Variants in ITGA9 observed in about 807,000 individuals in gnomAD.
The protein encoded by ITGA9 is integrin alpha-9.
In ITGA9, 56 loss-of-function variants were observed where a neutral mutation model predicts 127.8. That is an observed-to-expected ratio of 0.44 (90% CI 0.35 to 0.55). The LOEUF is 0.55. Ranked by LOEUF, ITGA9 falls within the 20% of genes least tolerant of loss-of-function variation. ITGA9 has a pLI of 0.00. For synonymous variants in ITGA9, 508 were observed against 514.5 expected (o/e 0.99, Z 0.17); for missense variants, 1,196 against 1,347.1 (o/e 0.89, Z 1.76).
chr3:37,767,358 T>C (rs1177176441), intron 23 of ITGA9, among the ~76,000 whole-genome samples: 2 of 152,204 alleles, frequency 1.3e-5, no homozygotes, highest in African/African-American at 4.8e-5. Flanking sequence ...TTCACAGGGA[T>C]GACTGCCTTA....
chr3:37,632,330 C>A (rs543816210), intron 16 of ITGA9, among the ~76,000 whole-genome samples: 2 of 152,164 alleles, frequency 1.3e-5, no homozygotes, highest in South Asian at 4.1e-4. Context: ...GGGAAGTGTT[C>A]TTAAAAATTA....
chr3:37,809,567 T>C (rs1400426917), intron 27 of ITGA9, among the ~76,000 whole-genome samples: 1 of 152,110 alleles, frequency 6.6e-6, no homozygotes, highest in Non-Finnish European at 1.5e-5. Context: ...GTGCAGTCTG[T>C]TGAGGCAGTG....
rs561764470 is a variant in ITGA9, at chr3:37,820,323, G to A, written c.*1334G>A. On this transcript the variant is annotated 3_prime_UTR_variant, in exon 28 of 28. Coordinates refer to ENST00000264741, the MANE Select transcript of ITGA9 (RefSeq NM_002207.3). Reference sequence around the variant, plus strand: ...GGCTGCACCCAGAGGAGATGTAAACGTTTTATTCTCAATTCCTGCTGGCGT... The same window carrying A: ...GGCTGCACCCAGAGGAGATGTAAACATTTTATTCTCAATTCCTGCTGGCGT... 6.6e-6 allele frequency: 1 copy of A among 152,380 alleles called. No homozygotes were observed. Among genetic ancestry groups the A allele is most frequent in the Admixed American group, 6.5e-5 (1 of 15,306 alleles). The allele number at this position is 152,380 out of a possible 1,614,324, so 9.4% of individuals were successfully genotyped here.
At chr3:37,741,266 G>T (rs1286809205) in intron 20 of ITGA9, among the ~76,000 whole-genome samples, 3 of 152,156 alleles carry the variant, frequency 2.0e-5, no homozygotes, top group South Asian at 2.1e-4. Flanking sequence ...GTGCCAGGGG[G>T]TTCATTCCAC....
At chr3:37,748,906 G>A (rs1265292754) in intron 22 of ITGA9, 28 of 840,766 alleles carry the variant, frequency 3.3e-5, no homozygotes, top group Non-Finnish European at 5.5e-5. Flanking sequence ...TGGCATAATA[G>A]GTGTCTAAAA....
chr3:37,564,793 C>T (rs908898373), intron 15 of ITGA9, among the ~76,000 whole-genome samples: 3 of 152,340 alleles, frequency 2.0e-5, no homozygotes, highest in Non-Finnish European at 2.9e-5. Flanking sequence ...GCAGAACTCC[C>T]AGCCAGGCTC....
At chr3:37,579,134 C>A (rs2125608781) in intron 15 of ITGA9, among the ~76,000 whole-genome samples, 1 of 152,262 alleles carries the variant, frequency 6.6e-6, no homozygotes. Context: ...GTCTCATGAG[C>A]CCCTCCTTCT....
chr3:37,596,711 AG>A (rs140437029), intron 15 of ITGA9, among the ~76,000 whole-genome samples: 2,712 of 152,270 alleles, frequency 0.018, 33 homozygotes, highest in Middle Eastern at 0.037. Flanking sequence ...CCAAAACACA[AG>A]GGGTCTGGGG....
intron 23 of ITGA9, among the ~76,000 whole-genome samples, chr3:37,759,163 G>A (rs1365372515): frequency 6.6e-6 from 1 of 151,046 alleles, no homozygotes; most frequent in African/African-American, 2.4e-5. Context: ...AAACATCAGA[G>A]GCTGCACACT....
intron 18 of ITGA9, among the ~76,000 whole-genome samples, chr3:37,731,826 ATATAT>A (rs1238209376): frequency 2.6e-5 from 4 of 152,168 alleles, no homozygotes; most frequent in African/African-American, 9.7e-5. Context: ...ATTTAAGTAG[ATATAT>A]TATGGTAAAT....
At chr3:37,453,901 T>G (rs1698229229) in intron 1 of ITGA9, among the ~76,000 whole-genome samples, 1 of 152,136 alleles carries the variant, frequency 6.6e-6, no homozygotes, top group East Asian at 1.9e-4. Context: ...CAGCTCCACA[T>G]CTCCCTCTCT....
chr3:37,564,036 A>G (rs1699521478), intron 15 of ITGA9, among the ~76,000 whole-genome samples: 3 of 152,242 alleles, frequency 2.0e-5, no homozygotes, highest in African/African-American at 7.2e-5. Context: ...TTAATTTTGG[A>G]ACATAATTGA....
intron 27 of ITGA9, among the ~76,000 whole-genome samples, chr3:37,817,403 A>G (rs1158049928): frequency 6.6e-6 from 1 of 152,200 alleles, no homozygotes; most frequent in Non-Finnish European, 1.5e-5. Context: ...GGATTGAAAC[A>G]ATGATTTGAG....
intron 15 of ITGA9, among the ~76,000 whole-genome samples, chr3:37,617,855 G>T (rs1363787833): frequency 6.6e-6 from 1 of 152,090 alleles, no homozygotes; most frequent in Non-Finnish European, 1.5e-5. Flanking sequence ...ATTCTAGTTA[G>T]CCATTCATCT....
rs910743416 is a variant in ITGA9, at chr3:37,502,213, CTTTTTTTTTT to C, written c.613-953_613-944del. ...AGCTGTGCCTCTTATGTTCTTGAGT[CTTTTTTTTTT>C]TTTTTTTTTTTGGCAGAGTCTTGCT... On this transcript the variant is annotated intron_variant, in intron 5 of 27. Transcript: ENST00000264741. Among the ~76,000 whole-genome samples the C allele has an allele frequency of 2.8e-4, 31 of 111,832 alleles. 1 individual carries two copies. Among genetic ancestry groups the C allele is most frequent in the African/African-American group, 9.1e-4 (27 of 29,668 alleles). The allele number at this position is 111,832 out of a possible 152,430, so 73.4% of individuals were successfully genotyped here. A position where few individuals can be genotyped will look rare whatever the true frequency, so the allele number is the denominator to read the frequency against.
At position 37,737,863 on chromosome 3, in the gene ITGA9, A is replaced by G. The variant is rs143872752; in HGVS notation, c.2234+880A>G. On this transcript the variant is annotated intron_variant, in intron 20 of 27. Transcript: ENST00000264741. ...TCACCCAGTGTTAACATTTTGCCTC[A>G]TCTATTTTATCATCCTCTTTCTATA... Among the ~76,000 whole-genome samples, 239 of 152,334 alleles carry G rather than the reference A, an allele frequency of 1.6e-3. 2 individuals carry two copies. Among genetic ancestry groups the G allele is most frequent in the Non-Finnish European group, 2.8e-3 (192 of 68,026 alleles).
intron 18 of ITGA9, among the ~76,000 whole-genome samples, chr3:37,699,007 C>G (rs1421351897): frequency 6.6e-6 from 1 of 152,194 alleles, no homozygotes; most frequent in Non-Finnish European, 1.5e-5. Context: ...TCTGGGGATA[C>G]TTTTCTTCTC....
chr3:37,626,741 A>G (rs138899987), intron 15 of ITGA9, among the ~76,000 whole-genome samples: 1 of 152,334 alleles, frequency 6.6e-6, no homozygotes, highest in African/African-American at 2.4e-5. Context: ...TAAGAAAGAC[A>G]GTGTCTGTGA....
intron 18 of ITGA9, among the ~76,000 whole-genome samples, chr3:37,726,618 C>T (rs1038240532): frequency 6.6e-6 from 1 of 152,244 alleles, no homozygotes; most frequent in South Asian, 2.1e-4. Context: ...GGGGCTGGGA[C>T]AGGCAAGGTA....
Sources: allele counts gnomAD v4.1 joint callset (sites outside exome capture counted in the v4.1 genomes callset), GRCh38; gene constraint gnomAD v4.1.1; transcripts MANE v1.5; gene names NCBI Gene and HGNC (gene_info 2026-07-23, HGNC 2026-07-21).